Variants in PTPN9 observed in about 807,000 individuals in gnomAD.
PTPN9 encodes tyrosine-protein phosphatase non-receptor type 9.
A neutral mutation model predicts 69.8 loss-of-function variants in PTPN9; 26 were observed. The observed-to-expected ratio is 0.37, with a 90% confidence interval of 0.27 to 0.52. The LOEUF (loss-of-function observed/expected upper bound fraction) is 0.52. PTPN9 is among the 20% of genes least tolerant of loss of function. The pLI, the probability that PTPN9 is intolerant of heterozygous loss-of-function variation, is 0.91. For missense variants in PTPN9, 549 were observed against 740.3 expected, an observed-to-expected ratio of 0.74 and a Z score of 3.00; for synonymous variants, 274 against 272.5, an observed-to-expected ratio of 1.01 and a Z score of -0.05.
At chr15:75,473,858 C>T (rs1232505629) in intron 9 of PTPN9, 91 bp from the exon 10 acceptor site, 2 of 963,294 alleles carry the variant, frequency 2.1e-6, no homozygotes, top group Non-Finnish European at 3.3e-6. Context: ...AATGGTAACT[C>T]CAAACCATAG....
chr15:75,554,094 C>T (rs1006670708), intron 1 of PTPN9, among the ~76,000 whole-genome samples: 4 of 150,058 alleles, frequency 2.7e-5, no homozygotes, highest in African/African-American at 9.8e-5. Flanking sequence ...TCATGGGTCA[C>T]TGCAGCCTCA....
chr15:75,574,358 G>C (rs1595974387), intron 1 of PTPN9, among the ~76,000 whole-genome samples: 1 of 152,010 alleles, frequency 6.6e-6, no homozygotes, highest in Admixed American at 6.6e-5. Flanking sequence ...GGGCAGGCAG[G>C]CTGAGGGGAA....
intron 10 of PTPN9, among the ~76,000 whole-genome samples, chr15:75,471,694 C>T (rs1372247608): frequency 2.0e-5 from 3 of 150,838 alleles, no homozygotes; most frequent in Non-Finnish European, 4.4e-5. Context: ...GGTGGCGGAT[C>T]ACCTGAGGTC....
intron 1 of PTPN9, among the ~76,000 whole-genome samples, chr15:75,575,868 G>A (rs889325161): frequency 3.6e-5 from 5 of 139,844 alleles, no homozygotes; most frequent in East Asian, 2.1e-4. Context: ...GCAGTGAGCC[G>A]AGATTGCGCC....
chr15:75,513,010 C>A, intron 5 of PTPN9: 1 of 401,802 alleles, frequency 2.5e-6, no homozygotes, highest in East Asian at 6.1e-5. Flanking sequence ...CTGTTAATCC[C>A]TTGAGGAAAG....
In PTPN9 at chr15:75,566,531, A is replaced by C. The variant is rs1016245595; in HGVS notation, c.63+12183T>G. Among the ~76,000 whole-genome samples, 57 of 152,232 alleles carry C rather than the reference A, an allele frequency of 3.7e-4. 1 individual carries two copies. Among genetic ancestry groups the C allele is most frequent in the African/African-American group, 1.3e-3 (55 of 41,538 alleles). ...ACCCCATCTCTACTAAAAATTTAAA[A>C]ATTAGCTGGGCATGGTGGCAGGCAC... is the stretch of plus-strand genomic sequence containing the variant. On this transcript the variant is annotated intron_variant, in intron 1 of 12. Coordinates refer to ENST00000618819, the MANE Select transcript of PTPN9 (RefSeq NM_002833.4).
chr15:75,530,130 G>A (rs2074948092), intron 1 of PTPN9, among the ~76,000 whole-genome samples: 1 of 149,214 alleles, frequency 6.7e-6, no homozygotes, highest in East Asian at 2.0e-4. Flanking sequence ...TGAACCAGGA[G>A]GTGGGGTTGT....
Position 75,578,711 on chromosome 15 carries a change from T to C in PTPN9, c.63+3A>G. On this transcript the variant is annotated splice_donor_region_variant and intron_variant, in intron 1 of 12. Transcript: ENST00000618819. ...CCAACGCGGCGGCCTCGGGCCCGCT[T>C]ACCTGCTCCTCCTCCGGGGTCAGCT... 7.3e-7 allele frequency: 1 copy of C among 1,369,772 alleles called. No individual in the cohort carries two copies. Among genetic ancestry groups the C allele is most frequent in the Non-Finnish European group, 9.4e-7 (1 of 1,058,288 alleles). 84.9% of individuals were successfully genotyped at this position (1,369,772 alleles called of 1,614,324 possible).
intron 7 of PTPN9, among the ~76,000 whole-genome samples, chr15:75,492,881 G>A (rs1222984002): frequency 2.6e-5 from 4 of 152,136 alleles, no homozygotes; most frequent in East Asian, 1.9e-4. Flanking sequence ...GGCTTGTCAC[G>A]GTGGCTCATG....
In PTPN9 at chr15:75,479,876, C is replaced by T. The variant is rs868850390; in HGVS notation, c.1101G>A (p.Lys367=). The change falls in exon 9 of 13, where the codon AAG becomes AAA. Residue 367 remains lysine, a synonymous_variant. Transcript: ENST00000618819. ...YINASFMDGY[K]QKNAYIGTQG... is the part of the protein sequence containing the mutation. The stretch of plus-strand genomic sequence containing the variant: ...GTGTGCCAATGTAAGCATTCTTCTG[C>T]TTGTAGCCATCCATGAAACTGGCAT... The T allele has an allele frequency of 1.2e-6, 2 of 1,611,678 alleles. No individual in the cohort carries two copies. The highest frequency in any genetic ancestry group is 1.7e-4 in the Middle Eastern group (1 of 6,058).
intron 7 of PTPN9, among the ~76,000 whole-genome samples, chr15:75,502,012 C>G (rs964393424): frequency 9.2e-5 from 14 of 151,958 alleles, no homozygotes; most frequent in African/African-American, 3.4e-4. Flanking sequence ...AAAAAATGAG[C>G]TGGACATAGT....
rs1192858937 is a variant in PTPN9 at position 75,530,579 on chromosome 15, ACT to A, written c.64-3320_64-3319del. On this transcript the variant is annotated intron_variant, in intron 1 of 12. Transcript: ENST00000618819. ...ATTATATATTATTATATTATAATAT[ACT>A]ATAATATATATTATTATATTATAAT... is the stretch of plus-strand genomic sequence containing the variant. 8.7e-4 allele frequency among the ~76,000 whole-genome samples: 61 copies of A among 70,194 alleles called. 6 individuals are homozygous for A. Among genetic ancestry groups the A allele is most frequent in the African/African-American group, 5.4e-3 (61 of 11,262 alleles). 46.0% of individuals were successfully genotyped at this position (70,194 alleles called of 152,430 possible).
intron 5 of PTPN9, among the ~76,000 whole-genome samples, chr15:75,511,778 T>C (rs995500319): frequency 6.6e-6 from 1 of 152,210 alleles, no homozygotes; most frequent in African/African-American, 2.4e-5. Context: ...TAACCATCAT[T>C]CTGATTATTC....
chr15:75,483,150 G>A (rs1362348145), intron 8 of PTPN9, among the ~76,000 whole-genome samples: 1 of 152,198 alleles, frequency 6.6e-6, no homozygotes, highest in Non-Finnish European at 1.5e-5. Context: ...GTAAAATGCT[G>A]CAGTTACTTT....
rs1286686663 is a variant in PTPN9 at position 75,530,654 on chromosome 15, AT to A, written c.64-3394del. Among the ~76,000 whole-genome samples, 51 of 61,964 alleles carry A rather than the reference AT, an allele frequency of 8.2e-4. 9 individuals carry two copies. Among genetic ancestry groups the A allele is most frequent in the African/African-American group, 4.3e-3 (51 of 11,970 alleles). The allele number at this position is 61,964 out of a possible 152,430, so 40.7% of individuals were successfully genotyped here. ...ATTATAATATACTATAATATATATT[AT>A]TATATAATATACTATTATATATATT... On this transcript the variant is annotated intron_variant, in intron 1 of 12. Transcript: ENST00000618819.
chr15:75,578,853 CG>C lies in PTPN9; in HGVS notation c.-78del. ...CCGGCGCGCTCGGCCTCCGCTTCCG[CG>C]TCCCCGCGCCTCAGCAGCCCGGGGC... On this transcript the variant is annotated 5_prime_UTR_variant, in exon 1 of 13. Transcript: ENST00000618819. The C allele has an allele frequency of 9.7e-7, 1 of 1,026,440 alleles. No individual in the cohort carries two copies. The highest frequency in any genetic ancestry group is 1.2e-6 in the Non-Finnish European group (1 of 814,910). 63.6% of individuals were successfully genotyped at this position (1,026,440 alleles called of 1,614,324 possible).
chr15:75,544,810 AT>A (rs1002287504), intron 1 of PTPN9, among the ~76,000 whole-genome samples: 14 of 150,078 alleles, frequency 9.3e-5, no homozygotes, highest in African/African-American at 2.9e-4. Context: ...CTTTGGTAAC[AT>A]TTTTTTTTTC....
chr15:75,524,346 T>G, intron 2 of PTPN9, 48 bp from the exon 3 acceptor site: 1 of 1,197,314 alleles, frequency 8.4e-7, no homozygotes, highest in South Asian at 1.2e-5. Flanking sequence ...ATACTGTATA[T>G]CCAGGACAGC....
At chr15:75,504,656 C>T (rs1274632800) in intron 7 of PTPN9, among the ~76,000 whole-genome samples, 2 of 141,354 alleles carry the variant, frequency 1.4e-5, no homozygotes, top group African/African-American at 5.3e-5. Context: ...GTCAGCCCCC[C>T]GCCCGGCCAG....
Sources: gnomAD v4.1 joint callset for allele counts (sites outside exome capture counted in the v4.1 genomes callset) on GRCh38, gnomAD v4.1.1 for gene constraint, MANE v1.5 for transcripts, NCBI Gene and HGNC (gene_info 2026-07-23, HGNC 2026-07-21) for gene names.